OSMR: variants seen among roughly 807,000 people sequenced by gnomAD.
OSMR encodes oncostatin M receptor, also known as oncostatin-M-specific receptor subunit beta.
Under a neutral mutation model 99.9 loss-of-function variants are expected in OSMR, and 81 were observed. That is an observed-to-expected ratio of 0.81 (90% CI 0.68 to 0.97). OSMR has a LOEUF of 0.97. Ranked by LOEUF, OSMR falls within the 50% of genes least tolerant of loss-of-function variation. OSMR has a pLI of 0.00. For synonymous variants in OSMR, 406 were observed against 410.4 expected (o/e 0.99, Z 0.13); for missense variants, 1,099 against 1,153.4 (o/e 0.95, Z 0.68).
chr5:38,872,089 C>T (rs1345040779), intron 2 of OSMR, among the ~76,000 whole-genome samples: 1 of 152,138 alleles, frequency 6.6e-6, no homozygotes, highest in East Asian at 1.9e-4. Context: ...AGTCACTTCC[C>T]ATTTTTTAAC....
chr5:38,916,106 G>A (rs1022268913), intron 9 of OSMR, among the ~76,000 whole-genome samples: 5 of 152,144 alleles, frequency 3.3e-5, no homozygotes, highest in African/African-American at 1.2e-4. Flanking sequence ...GGAATACAGA[G>A]TATTACATAA....
At chr5:38,918,717 T>C in intron 10 of OSMR, 123 bp from the exon 11 acceptor site, 2 of 1,516,854 alleles carry the variant, frequency 1.3e-6, no homozygotes, top group Non-Finnish European at 1.8e-6. Context: ...TCTATTAAGC[T>C]GTTTGAATTT....
chr5:38,906,002 CT>C (rs1745206200), intron 9 of OSMR, among the ~76,000 whole-genome samples: 1 of 152,094 alleles, frequency 6.6e-6, no homozygotes, highest in Non-Finnish European at 1.5e-5. Context: ...CCCCGCTTCC[CT>C]GGTGGTGTCT....
chr5:38,862,190 G>T (rs561112691), intron 1 of OSMR, among the ~76,000 whole-genome samples: 2 of 119,782 alleles, frequency 1.7e-5, no homozygotes, highest in African/African-American at 6.4e-5. Context: ...CAGTAGGGGC[G>T]GCCGGGCAGA....
intron 1 of OSMR, among the ~76,000 whole-genome samples, chr5:38,856,638 A>G (rs1400156669): frequency 6.6e-6 from 1 of 152,124 alleles, no homozygotes; most frequent in Non-Finnish European, 1.5e-5. Flanking sequence ...AGATAAGACC[A>G]TCTTGTGATC....
chr5:38,876,300 C>G lies in OSMR; in HGVS notation c.173C>G (p.Pro58Arg). The G allele has an allele frequency of 6.2e-7, 1 of 1,613,396 alleles. No individual in the cohort carries two copies. The highest frequency in any genetic ancestry group is 8.5e-7 in the Non-Finnish European group (1 of 1,179,446). ...LHLQWTVHNL[P>R]YHQELKMVFQ... ...TTACAATGGACTGTCCACAACCTTC[C>G]TTATCATCAGGAATTGAAAATGGTA... The change falls in exon 3 of 18, where the codon CCT (proline) becomes CGT (arginine). Residue 58 changes from proline (P) to arginine (R), a missense_variant. Pro to Arg is a moderately radical substitution (Grantham distance 103, BLOSUM62 -2). Coordinates refer to ENST00000274276, the MANE Select transcript of OSMR (RefSeq NM_003999.3).
chr5:38,921,777 GCA>G lies in OSMR; in HGVS notation c.1751_1752del (p.Thr584SerfsTer3). On this transcript the variant is annotated frameshift_variant, in exon 12 of 18. Coordinates refer to ENST00000274276, the MANE Select transcript of OSMR (RefSeq NM_003999.3). LOFTEE classifies it high-confidence loss of function. ...AAGAATGTAGGTCCCAATACCACAA[GCA>G]CAGTCATTAGCACAGGTAAGAAGAA... 1.2e-6 allele frequency: 2 copies of G among 1,613,846 alleles called. No homozygotes were observed. The highest frequency in any genetic ancestry group is 1.7e-6 in the Non-Finnish European group (2 of 1,179,764).
chr5:38,929,257 G>C lies in OSMR; in HGVS notation c.2213-2626G>C, dbSNP rs115197149. On this transcript the variant is annotated intron_variant, in intron 15 of 17. Transcript: ENST00000274276. Reference sequence around the variant, plus strand: ...GATGTAATGTTGACATTGCAAAATAGTGAATAAATGTTTATTCTGTTGGTA... The same window carrying C: ...GATGTAATGTTGACATTGCAAAATACTGAATAAATGTTTATTCTGTTGGTA... 9.9e-3 allele frequency among the ~76,000 whole-genome samples: 1,512 copies of C among 152,262 alleles called. 30 individuals are homozygous for C. The highest frequency in any genetic ancestry group is 0.035 in the African/African-American group (1,440 of 41,552).
In OSMR at chr5:38,901,688, A is replaced by G. The variant is rs116339028; in HGVS notation, c.992-2194A>G. ...TAGTTTTTTCTTGCCAGAGACTCCA[A>G]TCAGCGTGCATGGAGGTTTTGGACA... is the stretch of plus-strand genomic sequence containing the variant. On this transcript the variant is annotated intron_variant, in intron 7 of 17. Coordinates refer to ENST00000274276, the MANE Select transcript of OSMR (RefSeq NM_003999.3). 3.9e-3 allele frequency among the ~76,000 whole-genome samples: 593 copies of G among 152,306 alleles called. 2 individuals carry two copies. Among genetic ancestry groups the G allele is most frequent in the African/African-American group, 0.014 (563 of 41,560 alleles).
intron 2 of OSMR, among the ~76,000 whole-genome samples, chr5:38,871,525 G>T (rs1356917521): frequency 6.6e-6 from 1 of 152,300 alleles, no homozygotes; most frequent in African/African-American, 2.4e-5. Context: ...CACCCAGCCA[G>T]ATACAGATCT....
intron 3 of OSMR, among the ~76,000 whole-genome samples, chr5:38,880,360 C>T (rs1579691103): frequency 1.3e-5 from 2 of 152,160 alleles, no homozygotes; most frequent in East Asian, 3.9e-4. Context: ...GTTGTCTCCA[C>T]CTTGCAGCTG....
intron 2 of OSMR, among the ~76,000 whole-genome samples, chr5:38,871,609 C>T (rs1284456754): frequency 6.6e-6 from 1 of 152,174 alleles, no homozygotes; most frequent in East Asian, 1.9e-4. Context: ...TTCAGTTAAC[C>T]CTGGGTACAT....
chr5:38,917,240 A>C (rs968847957), intron 9 of OSMR, among the ~76,000 whole-genome samples: 1 of 152,240 alleles, frequency 6.6e-6, no homozygotes, highest in Admixed American at 6.5e-5. Flanking sequence ...AATTTACCTA[A>C]CTCATCTGGA....
intron 1 of OSMR, among the ~76,000 whole-genome samples, chr5:38,852,754 G>A (rs1324976772): frequency 6.2e-5 from 3 of 48,682 alleles, no homozygotes; most frequent in Non-Finnish European, 1.1e-4. Context: ...TTTTTGAGAC[G>A]GAGTCTCACT....
chr5:38,907,539 A>T (rs1561390880), intron 9 of OSMR, among the ~76,000 whole-genome samples: 1 of 152,176 alleles, frequency 6.6e-6, no homozygotes, highest in East Asian at 1.9e-4. Flanking sequence ...GGTCTTACCC[A>T]TGAGATGGGG....
rs768041549 is a variant in OSMR, at chr5:38,881,640, C to T, written c.294C>T (p.Ser98=). 1.2e-6 allele frequency: 2 copies of T among 1,614,106 alleles called. No homozygotes were observed. The highest frequency in any genetic ancestry group is 1.7e-6 in the Non-Finnish European group (2 of 1,179,964). ...AGTGGAACCAGGTTCTGCATTGGAG[C>T]TGGGAATCTGAGCTCCCTTTGGAAT... ...TVKWNQVLHW[S]WESELPLECA... is the part of the protein sequence containing the mutation. The change falls in exon 4 of 18, where the codon AGC becomes AGT. Residue 98 remains serine, a synonymous_variant. Transcript: ENST00000274276.
chr5:38,879,996 GAACA>G (rs1743151070), intron 3 of OSMR, among the ~76,000 whole-genome samples: 2 of 152,062 alleles, frequency 1.3e-5, no homozygotes, highest in Non-Finnish European at 2.9e-5. Flanking sequence ...ACTTGTTAAG[GAACA>G]TATTTTGTGA....
At position 38,904,501 on chromosome 5, in the gene OSMR, C is replaced by G. The variant is rs758627846; in HGVS notation, c.1283C>G (p.Ala428Gly). 6.2e-7 allele frequency: 1 copy of G among 1,614,140 alleles called. No homozygotes were observed. The highest frequency in any genetic ancestry group is 1.1e-5 in the South Asian group (1 of 91,084). Residue 428 changes from alanine (A) to glycine (G), a missense_variant and splice_region_variant, in exon 9 of 18, where the codon GCT becomes GGT. Transcript: ENST00000274276. ...GGTCAGAACTTCACCACACTTGAAGCTGGTATGTTCAGCCCCTGGCATTTA... is the reference window on the plus strand; with the variant it reads ...GGTCAGAACTTCACCACACTTGAAGGTGGTATGTTCAGCCCCTGGCATTTA... ...WSGQNFTTLEAAPSEAPDVWR... is the reference protein window; with the variant it reads ...WSGQNFTTLEGAPSEAPDVWR...
downstream of OSMR, chr5:38,937,953 TATCCCTTTG>T (rs1217635730): frequency 5.4e-6 from 1 of 184,822 alleles, no homozygotes; most frequent in African/African-American, 2.3e-5. This position sits in a 1 kb window ranked among gnomAD's most constrained non-coding sequence, Gnocchi z 4.0. Flanking sequence ...ATTAACAATG[TATCCCTTTG>T]ATAAGATTAT....
Sources: allele counts gnomAD v4.1 joint callset (sites outside exome capture counted in the v4.1 genomes callset), GRCh38; gene constraint gnomAD v4.1.1; non-coding constraint Gnocchi (gnomAD v3.1); transcripts MANE v1.5; gene names NCBI Gene and HGNC (gene_info 2026-07-23, HGNC 2026-07-21).